Variants in ADAMTS17 observed in about 807,000 individuals in gnomAD.
ADAMTS17 encodes A disintegrin and metalloproteinase with thrombospondin motifs 17.
A neutral mutation model predicts 141.5 loss-of-function variants in ADAMTS17; 113 were observed. That is an observed-to-expected ratio of 0.80 (90% CI 0.69 to 0.93). The LOEUF is 0.93. ADAMTS17 is among the 40% of genes least tolerant of loss of function. ADAMTS17 has a pLI of 0.00. For missense variants in ADAMTS17, 1,659 were observed against 1,517.9 expected, an observed-to-expected ratio of 1.09 and a Z score of -1.54; for synonymous variants, 768 against 630.6, an observed-to-expected ratio of 1.22 and a Z score of -3.27.
chr15:100,219,132 T>C (rs961532715), intron 7 of ADAMTS17, among the ~76,000 whole-genome samples: 10 of 152,176 alleles, frequency 6.6e-5, no homozygotes, highest in African/African-American at 2.2e-4. Flanking sequence ...TTAGATGAAA[T>C]GTCCAGAACA....
At chr15:99,990,806 C>T (rs548255556) in intron 20 of ADAMTS17, among the ~76,000 whole-genome samples, 10 of 152,212 alleles carry the variant, frequency 6.6e-5, no homozygotes, top group African/African-American at 2.4e-4. Context: ...AGCCATGTTG[C>T]CACATTTTCA....
At chr15:100,331,443 C>T (rs970320076) in intron 2 of ADAMTS17, among the ~76,000 whole-genome samples, 1 of 152,110 alleles carries the variant, frequency 6.6e-6, no homozygotes, top group African/African-American at 2.4e-5. Flanking sequence ...ATTTGTATCC[C>T]TAATGGAAAA....
At chr15:100,215,503 C>T (rs1164687905) in intron 7 of ADAMTS17, among the ~76,000 whole-genome samples, 8 of 152,132 alleles carry the variant, frequency 5.3e-5, no homozygotes, top group East Asian at 1.9e-4. Flanking sequence ...GACAACTCCA[C>T]GTGGAGTCTT....
rs142931259 is a variant in ADAMTS17, at chr15:100,292,273, C to G, written c.617-10872G>C. Among the ~76,000 whole-genome samples, 380 of 149,352 alleles carry G rather than the reference C, an allele frequency of 2.5e-3. 1 individual carries two copies. The highest frequency in any genetic ancestry group is 3.9e-3 in the Non-Finnish European group (260 of 66,234). On this transcript the variant is annotated intron_variant, in intron 3 of 21. Coordinates refer to ENST00000268070, the MANE Select transcript of ADAMTS17 (RefSeq NM_139057.4). ...GAGAAACTATGAGAGACGCTCAGCC[C>G]GTGAGAATCTACGAGAGACACTCAG... is the stretch of plus-strand genomic sequence containing the variant.
At chr15:100,110,024 TAA>T (rs2036654884) in intron 13 of ADAMTS17, among the ~76,000 whole-genome samples, 1 of 151,982 alleles carries the variant, frequency 6.6e-6, no homozygotes, top group African/African-American at 2.4e-5. Flanking sequence ...GTCCCATCGC[TAA>T]AAGAGTGTGA....
chr15:100,272,139 TGTGA>T (rs1199470226), intron 4 of ADAMTS17, among the ~76,000 whole-genome samples: 1 of 152,216 alleles, frequency 6.6e-6, no homozygotes, highest in Non-Finnish European at 1.5e-5. Context: ...AATGAGGAAG[TGTGA>T]GTCTTACTGT....
intron 8 of ADAMTS17, among the ~76,000 whole-genome samples, chr15:100,189,937 C>T (rs2040857006): frequency 6.6e-6 from 1 of 152,192 alleles, no homozygotes; most frequent in Non-Finnish European, 1.5e-5. Flanking sequence ...GCATCAGCAT[C>T]ACCGGGGCCT....
intron 8 of ADAMTS17, among the ~76,000 whole-genome samples, chr15:100,195,638 A>C (rs1253779067): frequency 5.0e-5 from 7 of 141,244 alleles, no homozygotes; most frequent in African/African-American, 1.3e-4. Flanking sequence ...AAAAAAAAAG[A>C]AGCTGTCAAT....
At chr15:100,135,996 C>G (rs2038311182) in intron 10 of ADAMTS17, among the ~76,000 whole-genome samples, 1 of 152,170 alleles carries the variant, frequency 6.6e-6, no homozygotes, top group Non-Finnish European at 1.5e-5. Flanking sequence ...TAACTTGGTT[C>G]AACAGCTTTG....
At chr15:100,262,028 C>G (rs1374375324) in intron 5 of ADAMTS17, among the ~76,000 whole-genome samples, 1 of 152,132 alleles carries the variant, frequency 6.6e-6, no homozygotes, top group East Asian at 1.9e-4. Flanking sequence ...GGGGTCGAAG[C>G]TCTAATGTAG....
Position 100,327,837 on chromosome 15 carries a change from A to G in ADAMTS17, c.616+3052T>C, listed in dbSNP as rs554875870. 9.8e-4 allele frequency among the ~76,000 whole-genome samples: 149 copies of G among 152,318 alleles called. 1 individual carries two copies. The South Asian group carries it at 0.011, about 11-fold the overall frequency. On this transcript the variant is annotated intron_variant, in intron 3 of 21. Transcript: ENST00000268070. ...GCCTGTCCCCTCGCCTGAAGCCCCAAAGACCATTAGAAATGCAACCTCAGT... is the reference window on the plus strand; with the variant it reads ...GCCTGTCCCCTCGCCTGAAGCCCCAGAGACCATTAGAAATGCAACCTCAGT...
intron 3 of ADAMTS17, among the ~76,000 whole-genome samples, chr15:100,300,896 A>G (rs2045008588): frequency 6.6e-6 from 1 of 152,156 alleles, no homozygotes. Context: ...CTTAATCTAA[A>G]CCACAATAGC....
In ADAMTS17 at chr15:100,085,236, G is replaced by C. The variant is rs142268161; in HGVS notation, c.2137+11120C>G. On this transcript the variant is annotated intron_variant, in intron 15 of 21. Coordinates refer to ENST00000268070, the MANE Select transcript of ADAMTS17 (RefSeq NM_139057.4). ...AGCCGACGTGATCAACTGGAAGAAA[G>C]GGTATCAGCGATGGAAGATGAAAGA... is the stretch of plus-strand genomic sequence containing the variant. Among the ~76,000 whole-genome samples, 164 of 152,246 alleles carry C rather than the reference G, an allele frequency of 1.1e-3. 2 individuals are homozygous for C. Among genetic ancestry groups the C allele is most frequent in the African/African-American group, 3.9e-3 (160 of 41,528 alleles).
intron 10 of ADAMTS17, among the ~76,000 whole-genome samples, chr15:100,134,302 A>G (rs1382246262): frequency 6.6e-6 from 1 of 152,208 alleles, no homozygotes; most frequent in Non-Finnish European, 1.5e-5. Context: ...ACCCCCTCAC[A>G]GTGCTTCCTG....
intron 7 of ADAMTS17, among the ~76,000 whole-genome samples, chr15:100,239,354 G>A (rs1206028417): frequency 6.6e-6 from 1 of 152,254 alleles, no homozygotes; most frequent in Non-Finnish European, 1.5e-5. Context: ...ACGGGATGAG[G>A]AGCGGCGCTG....
intron 3 of ADAMTS17, among the ~76,000 whole-genome samples, chr15:100,320,554 T>C (rs930180413): frequency 6.6e-6 from 1 of 152,198 alleles, no homozygotes; most frequent in East Asian, 1.9e-4. Flanking sequence ...GGGCGGAGGC[T>C]GAACACCATG....
intron 12 of ADAMTS17, among the ~76,000 whole-genome samples, chr15:100,124,507 A>G (rs570927942): frequency 6.6e-6 from 1 of 152,338 alleles, no homozygotes; most frequent in Non-Finnish European, 1.5e-5. Context: ...GGGCAAGTAG[A>G]AAGCCACCCC....
chr15:99,976,047 A>AG lies in ADAMTS17; in HGVS notation c.3124dup (p.Leu1042ProfsTer97). On this transcript the variant is annotated frameshift_variant, in exon 21 of 22. Coordinates refer to ENST00000268070, the MANE Select transcript of ADAMTS17 (RefSeq NM_139057.4). LOFTEE classifies it high-confidence loss of function. ...CCGGGGCCAGTGAAGACACTCACCA[A>AG]GGCGGGGGGAGGTGATGGTGTTGGC... is the stretch of plus-strand genomic sequence containing the variant. The AG allele has an allele frequency of 6.5e-7, 1 of 1,550,038 alleles. No individual in the cohort carries two copies. The highest frequency in any genetic ancestry group is 8.7e-7 in the Non-Finnish European group (1 of 1,145,982).
intron 10 of ADAMTS17, among the ~76,000 whole-genome samples, chr15:100,139,006 G>A (rs2038483620): frequency 6.6e-6 from 1 of 152,150 alleles, no homozygotes; most frequent in Admixed American, 6.5e-5. Flanking sequence ...GGGGTATTTT[G>A]GGCGATGGAC....
Sources: allele counts gnomAD v4.1 joint callset (sites outside exome capture counted in the v4.1 genomes callset), GRCh38; gene constraint gnomAD v4.1.1; transcripts MANE v1.5; gene names NCBI Gene and HGNC (gene_info 2026-07-23, HGNC 2026-07-21).